The following VAV3 variants were observed in gnomAD, a reference collection of about 807,000 sequenced individuals.
VAV3 encodes the protein guanine nucleotide exchange factor VAV3.
Under a neutral mutation model 131.2 loss-of-function variants are expected in VAV3, and 94 were observed. The ratio of observed to expected loss-of-function variants is 0.72; its 90% CI spans 0.61 to 0.85. VAV3 has a LOEUF of 0.85. VAV3 is among the 40% of genes least tolerant of loss of function. The pLI, the probability that VAV3 is intolerant of heterozygous loss-of-function variation, is 0.00. For synonymous variants in VAV3, 349 were observed against 342.0 expected, an observed-to-expected ratio of 1.02 and a Z score of -0.22; for missense variants, 939 against 1,002.7, an observed-to-expected ratio of 0.94 and a Z score of 0.86.
intron 20 of VAV3, among the ~76,000 whole-genome samples, chr1:107,621,519 GA>G (rs1557709957): frequency 1.3e-5 from 2 of 152,046 alleles, no homozygotes; most frequent in Non-Finnish European, 2.9e-5. Flanking sequence ...ATGCATGGAT[GA>G]AATTGCAGAC....
chr1:107,636,433 G>A lies in VAV3; in HGVS notation c.1914+6186C>T, dbSNP rs74109111. Among the ~76,000 whole-genome samples, 998 of 152,250 alleles carry A rather than the reference G, an allele frequency of 6.6e-3. 11 individuals are homozygous for A. Among genetic ancestry groups the A allele is most frequent in the African/African-American group, 0.023 (939 of 41,556 alleles). ...GTACAGATGCTCCTTGACTTATAATGGGGTTATGCCCTGATAAACCCACTG... is the reference window on the plus strand; with the variant it reads ...GTACAGATGCTCCTTGACTTATAATAGGGTTATGCCCTGATAAACCCACTG... On this transcript the variant is annotated intron_variant, in intron 20 of 26. Transcript: ENST00000370056.
At chr1:107,598,355 T>TCAAAACAAAA (rs60284097) in intron 24 of VAV3, among the ~76,000 whole-genome samples, 7 of 151,758 alleles carry the variant, frequency 4.6e-5, no homozygotes, top group East Asian at 1.9e-4. Flanking sequence ...AAACTCTGTC[T>TCAAAACAAAA]CAAAACAAAA....
chr1:107,665,380 G>C (rs996838568), intron 19 of VAV3, among the ~76,000 whole-genome samples: 1 of 152,008 alleles, frequency 6.6e-6, no homozygotes, highest in Non-Finnish European at 1.5e-5. Flanking sequence ...TTATCACATG[G>C]GCCAGCAATT....
chr1:107,763,102 T>C (rs1178655788), intron 9 of VAV3, among the ~76,000 whole-genome samples: 1 of 152,240 alleles, frequency 6.6e-6, no homozygotes, highest in Non-Finnish European at 1.5e-5. Flanking sequence ...GTTTTCCTTC[T>C]ATCATGCTGG....
intron 2 of VAV3, among the ~76,000 whole-genome samples, chr1:107,799,482 T>A (rs915016653): frequency 3.9e-5 from 6 of 152,294 alleles, no homozygotes; most frequent in African/African-American, 1.4e-4. Context: ...GGGTGATTGT[T>A]GTCTGGCATA....
At chr1:107,822,784 T>C (rs566322332) in intron 2 of VAV3, among the ~76,000 whole-genome samples, 8 of 152,190 alleles carry the variant, frequency 5.3e-5, no homozygotes, top group Non-Finnish European at 1.0e-4. Flanking sequence ...TGAACTAAAA[T>C]AGTAGCAAAA....
intron 2 of VAV3, among the ~76,000 whole-genome samples, chr1:107,852,222 CCT>C (rs1339027686): frequency 6.6e-6 from 1 of 152,088 alleles, no homozygotes; most frequent in Non-Finnish European, 1.5e-5. Flanking sequence ...GATGAAATTC[CCT>C]TTTTAGTTTC....
At chr1:107,932,075 C>A (rs1673464131) in intron 1 of VAV3, among the ~76,000 whole-genome samples, 1 of 152,224 alleles carries the variant, frequency 6.6e-6, no homozygotes, top group Non-Finnish European at 1.5e-5. Flanking sequence ...CTGCACTGGG[C>A]ATTCCTGGTG....
At chr1:107,828,846 T>C (rs928944054) in intron 2 of VAV3, among the ~76,000 whole-genome samples, 4 of 152,188 alleles carry the variant, frequency 2.6e-5, no homozygotes, top group Admixed American at 6.5e-5. Flanking sequence ...GGTTAAGATA[T>C]GGACATCTTA....
At chr1:107,722,375 AT>A (rs1368384509) in intron 15 of VAV3, among the ~76,000 whole-genome samples, 1 of 152,186 alleles carries the variant, frequency 6.6e-6, no homozygotes, top group Non-Finnish European at 1.5e-5. Context: ...GTCTCTATCC[AT>A]TTTGAAATAA....
chr1:107,880,189 C>T (rs929996018), intron 1 of VAV3, among the ~76,000 whole-genome samples: 1 of 152,160 alleles, frequency 6.6e-6, no homozygotes, highest in African/African-American at 2.4e-5. Context: ...GTATCAGGGA[C>T]AGCTTTCTGG....
At chr1:107,840,926 A>T (rs973588907) in intron 2 of VAV3, among the ~76,000 whole-genome samples, 1 of 152,122 alleles carries the variant, frequency 6.6e-6, no homozygotes, top group African/African-American at 2.4e-5. Context: ...GCTTTTAAAA[A>T]AAAAAAAAAT....
At chr1:107,576,612 AT>A (rs1468701196) in intron 25 of VAV3, 10 of 726,266 alleles carry the variant, frequency 1.4e-5, no homozygotes, top group Non-Finnish European at 2.1e-5. Flanking sequence ...TTACATTTTG[AT>A]AGACAATAGT....
At chr1:107,805,754 C>T (rs2102315240) in intron 2 of VAV3, among the ~76,000 whole-genome samples, 1 of 152,258 alleles carries the variant, frequency 6.6e-6, no homozygotes, top group South Asian at 2.1e-4. Context: ...CCAGTCTTCT[C>T]TGTCTGGCTT....
At position 107,938,008 on chromosome 1, in the gene VAV3, G is replaced by T. The variant is rs577412814; in HGVS notation, c.204+26658C>A. Among the ~76,000 whole-genome samples the T allele has an allele frequency of 3.9e-5, 6 of 152,178 alleles. No homozygotes were observed. In the East Asian group the frequency reaches 1.2e-3, roughly 29 times the overall value. On this transcript the variant is annotated intron_variant, in intron 1 of 26. Coordinates refer to ENST00000370056, the MANE Select transcript of VAV3 (RefSeq NM_006113.5). ...CATTTTATCTTTGCCTCCTTGCTTT[G>T]AAGCATCATAAAATGCACTCTGTCA...
At chr1:107,732,023 T>C (rs1297919276) in intron 15 of VAV3, among the ~76,000 whole-genome samples, 3 of 152,176 alleles carry the variant, frequency 2.0e-5, no homozygotes, top group South Asian at 4.1e-4. Flanking sequence ...AAAAAATATT[T>C]GGTTGCAAAT....
At chr1:107,839,811 A>T (rs10158962) in intron 2 of VAV3, among the ~76,000 whole-genome samples, 3,509 of 152,230 alleles carry the variant, frequency 0.023, 62 homozygotes, top group African/African-American at 0.053. Context: ...AAGATGACAC[A>T]AATTGCTAAT....
intron 1 of VAV3, among the ~76,000 whole-genome samples, chr1:107,912,088 T>C (rs1672396878): frequency 1.3e-5 from 2 of 152,182 alleles, no homozygotes; most frequent in Non-Finnish European, 2.9e-5. Context: ...TTTACGTTAG[T>C]TTCCTATGAA....
intron 4 of VAV3, among the ~76,000 whole-genome samples, chr1:107,775,874 T>G (rs1358017292): frequency 6.6e-6 from 1 of 152,150 alleles, no homozygotes; most frequent in Non-Finnish European, 1.5e-5. Context: ...GTGGGTGTGC[T>G]CACCCCCTCT....
Sources: gnomAD v4.1 joint callset for allele counts (sites outside exome capture counted in the v4.1 genomes callset) on GRCh38, gnomAD v4.1.1 for gene constraint, MANE v1.5 for transcripts, NCBI Gene and HGNC (gene_info 2026-07-23, HGNC 2026-07-21) for gene names.